The following PPFIA2 variants were observed in gnomAD, a reference collection of about 807,000 sequenced individuals.
PPFIA2 encodes the protein liprin-alpha-2.
Under a neutral mutation model 175.5 loss-of-function variants are expected in PPFIA2, and 46 were observed. The observed-to-expected ratio is 0.26, with a 90% confidence interval of 0.21 to 0.34. PPFIA2 has a LOEUF of 0.34. PPFIA2 is among the 10% of genes least tolerant of loss of function. PPFIA2 has a pLI of 1.00. For missense variants in PPFIA2, 1,179 were observed against 1,506.1 expected (o/e 0.78, Z 3.60); for synonymous variants, 568 against 511.4 (o/e 1.11, Z -1.49).
At chr12:81,665,848 T>G (rs1376629339) in intron 4 of PPFIA2, among the ~76,000 whole-genome samples, 1 of 151,394 alleles carries the variant, frequency 6.6e-6, no homozygotes, top group Non-Finnish European at 1.5e-5. Context: ...TGGGAGAAAA[T>G]TTTTGCAATC....
chr12:81,711,911 C>T (rs1023210117), intron 3 of PPFIA2, among the ~76,000 whole-genome samples: 3 of 150,404 alleles, frequency 2.0e-5, no homozygotes, highest in Non-Finnish European at 4.4e-5. Flanking sequence ...GCTCAAATAA[C>T]CATTTCTTAT....
chr12:81,411,374 T>C (rs2043933671), intron 7 of PPFIA2, among the ~76,000 whole-genome samples: 1 of 152,064 alleles, frequency 6.6e-6, no homozygotes, highest in Non-Finnish European at 1.5e-5. Flanking sequence ...TTATTTGTGT[T>C]TTCTGGTTGC....
chr12:81,678,363 C>CATTATTTACATTATTAATGTATTACA (rs1252397392), intron 3 of PPFIA2, among the ~76,000 whole-genome samples: 35 of 151,788 alleles, frequency 2.3e-4, no homozygotes, highest in African/African-American at 8.0e-4. Flanking sequence ...AGGGAGGACT[C>CATTATTTACATTATTAATGTATTACA]TTAATAATAC....
intron 4 of PPFIA2, among the ~76,000 whole-genome samples, chr12:81,635,749 G>T (rs753789869): frequency 6.6e-6 from 1 of 152,152 alleles, no homozygotes; most frequent in Non-Finnish European, 1.5e-5. Flanking sequence ...AAGCCAAGTG[G>T]AAGCTAGATT....
At chr12:81,653,945 A>T (rs2067384528) in intron 4 of PPFIA2, among the ~76,000 whole-genome samples, 1 of 152,108 alleles carries the variant, frequency 6.6e-6, no homozygotes, top group African/African-American at 2.4e-5. Flanking sequence ...TATAGATATG[A>T]GTAAACATAT....
chr12:81,479,908 C>T (rs1055545529), intron 4 of PPFIA2, among the ~76,000 whole-genome samples: 5 of 152,034 alleles, frequency 3.3e-5, no homozygotes, highest in African/African-American at 1.2e-4. Flanking sequence ...CTCGAGGAGT[C>T]TCTTTGTGTT....
intron 4 of PPFIA2, among the ~76,000 whole-genome samples, chr12:81,644,260 C>G (rs913805543): frequency 6.6e-6 from 1 of 151,866 alleles, no homozygotes; most frequent in Non-Finnish European, 1.5e-5. Flanking sequence ...TCTGAAAATC[C>G]ATCAAGACTC....
intron 4 of PPFIA2, among the ~76,000 whole-genome samples, chr12:81,505,233 C>A (rs2061021298): frequency 1.3e-5 from 2 of 149,516 alleles, no homozygotes. Flanking sequence ...AACAAACCTG[C>A]ACATTCTGCA....
At chr12:81,672,261 T>C (rs1396600542) in intron 4 of PPFIA2, among the ~76,000 whole-genome samples, 1 of 152,022 alleles carries the variant, frequency 6.6e-6, no homozygotes, top group Non-Finnish European at 1.5e-5. Flanking sequence ...TTGAAGTAAA[T>C]GAGTAGAACA....
At chr12:81,479,461 G>A (rs1427049541) in intron 4 of PPFIA2, among the ~76,000 whole-genome samples, 2 of 152,214 alleles carry the variant, frequency 1.3e-5, no homozygotes, top group East Asian at 3.9e-4. Context: ...ATTTAATCTT[G>A]TCATTATGAT....
chr12:81,439,815 C>A, intron 7 of PPFIA2, 157 bp downstream of exon 7: 1 of 660,610 alleles, frequency 1.5e-6, no homozygotes, highest in Admixed American at 3.5e-5. Context: ...AATCAGAAAA[C>A]AAGACTCCGG....
chr12:81,545,089 A>C (rs1196849623), intron 4 of PPFIA2, among the ~76,000 whole-genome samples: 1 of 144,312 alleles, frequency 6.9e-6, no homozygotes, highest in African/African-American at 2.5e-5. Flanking sequence ...TTTTAGAAAT[A>C]AAACAATACA....
chr12:81,646,982 T>C (rs1021119424), intron 4 of PPFIA2, among the ~76,000 whole-genome samples: 11 of 149,702 alleles, frequency 7.3e-5, no homozygotes, highest in Non-Finnish European at 1.2e-4. Flanking sequence ...ACCAGAAACA[T>C]AGAAATTCAG....
intron 21 of PPFIA2, among the ~76,000 whole-genome samples, chr12:81,334,928 A>G (rs1462301789): frequency 6.6e-6 from 1 of 152,192 alleles, no homozygotes; most frequent in Non-Finnish European, 1.5e-5. Context: ...AATCCACATC[A>G]TCATAAATAT....
In PPFIA2 at chr12:81,374,763, T is replaced by G. The variant is rs1433161303; in HGVS notation, c.1137A>C (p.Glu379Asp). ...ANKEAILRQMEEKNRQLQERL... is the reference protein window; with the variant it reads ...ANKEAILRQMDEKNRQLQERL... Reference sequence around the variant, plus strand: ...GTTCTTGTAACTGTCTGTTTTTCTCTTCCATCTGAAATGGGAATGGGAGCA... The same window carrying G: ...GTTCTTGTAACTGTCTGTTTTTCTCGTCCATCTGAAATGGGAATGGGAGCA... Residue 379 changes from glutamate to aspartate, a missense_variant, in exon 11 of 33, where the codon GAA (glutamate) becomes GAC (aspartate). Transcript: ENST00000549396. 1.2e-5 allele frequency: 20 copies of G among 1,611,802 alleles called. No individual in the cohort carries two copies. Among genetic ancestry groups the G allele is most frequent in the Non-Finnish European group, 1.6e-5 (19 of 1,178,802 alleles).
chr12:81,467,711 T>C (rs1258562224), intron 4 of PPFIA2, among the ~76,000 whole-genome samples: 4 of 152,178 alleles, frequency 2.6e-5, no homozygotes, highest in Non-Finnish European at 5.9e-5. Flanking sequence ...AGATGTTTTC[T>C]GGTGTCTGAA....
intron 26 of PPFIA2, among the ~76,000 whole-genome samples, chr12:81,282,290 T>C (rs10778809): frequency 0.69 from 105,418 of 151,754 alleles, 37,063 homozygotes; most frequent in Non-Finnish European, 0.76. Flanking sequence ...AATCTAACTG[T>C]TCCTCTTCTT....
In PPFIA2 at chr12:81,677,813, A is replaced by G. The variant is rs552007871; in HGVS notation, c.250-969T>C. Among the ~76,000 whole-genome samples, 3 of 152,050 alleles carry G rather than the reference A, an allele frequency of 2.0e-5. No individual in the cohort carries two copies. In the East Asian group the frequency reaches 5.8e-4, roughly 30 times the overall value. ...TTAAATTTATAAATGGGGAAATAGG[A>G]AATGGTGTGATAAGCTGTAGAGGCT... is the stretch of plus-strand genomic sequence containing the variant. On this transcript the variant is annotated intron_variant, in intron 3 of 32. Coordinates refer to ENST00000549396, the MANE Select transcript of PPFIA2 (RefSeq NM_003625.5).
chr12:81,327,908 T>G (rs2055174588), intron 21 of PPFIA2, among the ~76,000 whole-genome samples: 1 of 152,180 alleles, frequency 6.6e-6, no homozygotes, highest in Non-Finnish European at 1.5e-5. Flanking sequence ...AGTATCTTTT[T>G]TCAAAGCATT....
Sources: allele counts gnomAD v4.1 joint callset (sites outside exome capture counted in the v4.1 genomes callset), GRCh38; gene constraint gnomAD v4.1.1; transcripts MANE v1.5; gene names NCBI Gene and HGNC (gene_info 2026-07-23, HGNC 2026-07-21).